The following SPOCK1 variants were observed in gnomAD, a reference collection of about 807,000 sequenced individuals.
SPOCK1 encodes the protein testican-1.
In SPOCK1, 23 loss-of-function variants were observed where a neutral mutation model predicts 55.3. The ratio of observed to expected loss-of-function variants is 0.42; its 90% CI spans 0.30 to 0.59. The LOEUF (loss-of-function observed/expected upper bound fraction) is 0.59, where lower values mean the gene tolerates loss of function less well. Ranked by LOEUF, SPOCK1 falls within the 20% of genes least tolerant of loss-of-function variation. SPOCK1 has a pLI of 0.22. For missense variants in SPOCK1, 499 were observed against 552.5 expected, an observed-to-expected ratio of 0.90 and a Z score of 0.97; for synonymous variants, 226 against 221.0, an observed-to-expected ratio of 1.02 and a Z score of -0.20.
chr5:137,140,434 G>A (rs1433419404), intron 4 of SPOCK1, 146 bp downstream of exon 4: 2 of 568,102 alleles, frequency 3.5e-6, no homozygotes, highest in Non-Finnish European at 6.2e-6. Context: ...ATCATAGTCA[G>A]AGTACAGGCA....
intron 4 of SPOCK1, among the ~76,000 whole-genome samples, chr5:137,120,321 G>A (rs1439079277): frequency 6.6e-6 from 1 of 152,166 alleles, no homozygotes; most frequent in African/African-American, 2.4e-5. Context: ...TAGGAAAAGT[G>A]CATATTTAAA....
chr5:137,354,883 G>A (rs144126853), intron 2 of SPOCK1, among the ~76,000 whole-genome samples: 4 of 152,162 alleles, frequency 2.6e-5, no homozygotes, highest in East Asian at 3.9e-4. Context: ...CCTTAGGTAA[G>A]TGACTCACTC....
intron 2 of SPOCK1, among the ~76,000 whole-genome samples, chr5:137,375,915 C>T (rs368388429): frequency 1.3e-4 from 20 of 152,292 alleles, no homozygotes; most frequent in African/African-American, 4.6e-4. Flanking sequence ...ACAAAGTCCA[C>T]GCCTGCCACT....
chr5:137,378,012 T>C (rs892944824), intron 2 of SPOCK1, among the ~76,000 whole-genome samples: 2 of 149,658 alleles, frequency 1.3e-5, no homozygotes, highest in Non-Finnish European at 3.0e-5. Context: ...TGGTGCAATG[T>C]TGGCTCACCG....
intron 6 of SPOCK1, among the ~76,000 whole-genome samples, chr5:137,031,335 C>T (rs1422348765): frequency 1.3e-5 from 2 of 152,202 alleles, no homozygotes; most frequent in African/African-American, 4.8e-5. Context: ...TTCCAAAATT[C>T]ACCGGCTCTC....
chr5:137,343,345 A>G (rs1225622001), intron 2 of SPOCK1, among the ~76,000 whole-genome samples: 1 of 152,238 alleles, frequency 6.6e-6, no homozygotes, highest in East Asian at 1.9e-4. Flanking sequence ...CCCAGAGCAG[A>G]AGAGGTGCAT....
chr5:137,145,219 A>G (rs1054244588), intron 3 of SPOCK1, among the ~76,000 whole-genome samples: 2 of 152,264 alleles, frequency 1.3e-5, no homozygotes, highest in African/African-American at 4.8e-5. Context: ...TAAGCTGTAA[A>G]GCATTGAATT....
chr5:137,087,627 G>A (rs564802779), intron 5 of SPOCK1, among the ~76,000 whole-genome samples: 25 of 152,338 alleles, frequency 1.6e-4, no homozygotes, highest in African/African-American at 2.2e-4. Flanking sequence ...TGAAGCAGCC[G>A]CTGGCAGCAC....
chr5:137,213,608 C>T (rs1029233894), intron 3 of SPOCK1, among the ~76,000 whole-genome samples: 3 of 152,186 alleles, frequency 2.0e-5, no homozygotes, highest in Non-Finnish European at 2.9e-5. Context: ...ATCAGGAGAC[C>T]TGGTTCTAGT....
At chr5:137,403,283 A>G (rs1389969965) in intron 2 of SPOCK1, among the ~76,000 whole-genome samples, 1 of 152,208 alleles carries the variant, frequency 6.6e-6, no homozygotes, top group African/African-American at 2.4e-5. Context: ...ATGCACCCAG[A>G]TAGAAAGACA....
At chr5:137,140,332 T>C (rs1015496461) in intron 4 of SPOCK1, among the ~76,000 whole-genome samples, 4 of 152,220 alleles carry the variant, frequency 2.6e-5, no homozygotes, top group African/African-American at 9.6e-5. Flanking sequence ...GCTCATCTGT[T>C]CAGATCAGGA....
chr5:137,067,372 G>C (rs779882223), intron 6 of SPOCK1, among the ~76,000 whole-genome samples: 12 of 152,136 alleles, frequency 7.9e-5, no homozygotes, highest in Non-Finnish European at 1.3e-4. Context: ...GAAGTTCAAA[G>C]GATTCAAAAG....
intron 3 of SPOCK1, among the ~76,000 whole-genome samples, chr5:137,266,637 T>A (rs565014062): frequency 4.1e-4 from 63 of 152,324 alleles, no homozygotes; most frequent in African/African-American, 1.4e-3. Context: ...GTTTCATTGT[T>A]ATGGCTCATG....
chr5:137,227,053 T>A (rs10155530), intron 3 of SPOCK1, among the ~76,000 whole-genome samples: 2 of 152,142 alleles, frequency 1.3e-5, no homozygotes, highest in Non-Finnish European at 2.9e-5. Flanking sequence ...TGAGGATTTC[T>A]AACAAGGGAT....
chr5:137,244,541 A>T (rs986835107), intron 3 of SPOCK1, among the ~76,000 whole-genome samples: 1 of 152,248 alleles, frequency 6.6e-6, no homozygotes, highest in African/African-American at 2.4e-5. Context: ...AATTTCTGAC[A>T]GAACTATAAA....
intron 5 of SPOCK1, among the ~76,000 whole-genome samples, chr5:137,081,151 C>T (rs555560016): frequency 3.9e-5 from 6 of 152,306 alleles, no homozygotes; most frequent in East Asian, 1.9e-4. Context: ...CTCATGCTGT[C>T]TGTGTTTCTT....
intron 3 of SPOCK1, among the ~76,000 whole-genome samples, chr5:137,196,819 G>C (rs1434159069): frequency 6.6e-6 from 1 of 152,206 alleles, no homozygotes; most frequent in Non-Finnish European, 1.5e-5. Context: ...CATGTGACCA[G>C]TACTCTTCAG....
chr5:137,216,388 G>A (rs1049006175), intron 3 of SPOCK1, among the ~76,000 whole-genome samples: 3 of 152,212 alleles, frequency 2.0e-5, no homozygotes, highest in Non-Finnish European at 4.4e-5. Context: ...AATACAAATT[G>A]TATAATATAG....
intron 3 of SPOCK1, among the ~76,000 whole-genome samples, chr5:137,250,209 T>C (rs1341786661): frequency 6.6e-6 from 1 of 152,220 alleles, no homozygotes; most frequent in Non-Finnish European, 1.5e-5. Context: ...TAATGGCAGC[T>C]TCCCTCTACA....
Sources: allele counts gnomAD v4.1 joint callset (sites outside exome capture counted in the v4.1 genomes callset), GRCh38; gene constraint gnomAD v4.1.1; transcripts MANE v1.5; gene names NCBI Gene and HGNC (gene_info 2026-07-23, HGNC 2026-07-21).